GPC6: variants seen among roughly 807,000 people sequenced by gnomAD.
The protein encoded by GPC6 is glypican-6.
A neutral mutation model predicts 55.2 loss-of-function variants in GPC6; 14 were observed. That is an observed-to-expected ratio of 0.25 (90% CI 0.17 to 0.40). GPC6 has a LOEUF of 0.40. Ranked by LOEUF, GPC6 falls within the 10% of genes least tolerant of loss-of-function variation. The pLI is 1.00. For synonymous variants in GPC6, 278 were observed against 259.6 expected, an observed-to-expected ratio of 1.07 and a Z score of -0.68; for missense variants, 641 against 708.5, an observed-to-expected ratio of 0.90 and a Z score of 1.08.
intron 2 of GPC6, among the ~76,000 whole-genome samples, chr13:93,752,615 G>A (rs561385635): frequency 1.3e-5 from 2 of 152,250 alleles, no homozygotes; most frequent in Non-Finnish European, 2.9e-5. Flanking sequence ...CTGTTGAGGA[G>A]TGTAGTAGTC....
chr13:93,464,992 A>G (rs925919652), intron 1 of GPC6, among the ~76,000 whole-genome samples: 5 of 152,362 alleles, frequency 3.3e-5, no homozygotes, highest in African/African-American at 1.2e-4. Context: ...TTGGGAGACC[A>G]GGTGAATTGT....
chr13:93,411,588 T>C (rs1342959393), intron 1 of GPC6, among the ~76,000 whole-genome samples: 4 of 152,208 alleles, frequency 2.6e-5, no homozygotes, highest in Non-Finnish European at 5.9e-5. Context: ...GGCACACTTA[T>C]AGAAGTTCAT....
chr13:94,074,717 C>A (rs1185868761), intron 4 of GPC6, among the ~76,000 whole-genome samples: 2 of 152,154 alleles, frequency 1.3e-5, no homozygotes, highest in Non-Finnish European at 2.9e-5. Flanking sequence ...AGGTAGAGGT[C>A]TCTTGGAATT....
intron 4 of GPC6, among the ~76,000 whole-genome samples, chr13:94,210,487 A>G (rs1280204060): frequency 6.6e-6 from 1 of 152,196 alleles, no homozygotes; most frequent in Non-Finnish European, 1.5e-5. Context: ...ACTGTTCCTC[A>G]GCACTGCCCA....
At chr13:93,600,500 T>C (rs757321980) in intron 2 of GPC6, among the ~76,000 whole-genome samples, 33 of 152,278 alleles carry the variant, frequency 2.2e-4, no homozygotes, top group Non-Finnish European at 4.3e-4. Flanking sequence ...AAATACTCTA[T>C]CTAAAACGTC....
chr13:93,333,362 A>G (rs937432095), intron 1 of GPC6, among the ~76,000 whole-genome samples: 2 of 151,948 alleles, frequency 1.3e-5, no homozygotes, highest in Non-Finnish European at 2.9e-5. Context: ...TTTTGTTGTT[A>G]TCTTTAACTT....
At chr13:93,776,129 T>G (rs921981899) in intron 2 of GPC6, among the ~76,000 whole-genome samples, 5 of 10,934 alleles carry the variant, frequency 4.6e-4, no homozygotes, top group Non-Finnish European at 8.5e-4. Flanking sequence ...AACACCCAAG[T>G]ATCCTGTTCA....
intron 1 of GPC6, among the ~76,000 whole-genome samples, chr13:93,309,803 T>C (rs1446717112): frequency 6.6e-6 from 1 of 152,218 alleles, no homozygotes; most frequent in Non-Finnish European, 1.5e-5. Context: ...TTATTGTTTC[T>C]TGATGGTTCT....
chr13:94,325,444 A>G (rs1434950791), intron 6 of GPC6, among the ~76,000 whole-genome samples: 1 of 152,206 alleles, frequency 6.6e-6, no homozygotes, highest in Non-Finnish European at 1.5e-5. Flanking sequence ...AATCACTGTT[A>G]TATTCTCAAA....
chr13:93,795,728 G>T (rs1177921868), intron 2 of GPC6, among the ~76,000 whole-genome samples: 2 of 152,082 alleles, frequency 1.3e-5, no homozygotes, highest in African/African-American at 4.8e-5. Context: ...ATATTAGTAG[G>T]TATCATTCAT....
At chr13:93,942,009 C>T (rs1029900996) in intron 3 of GPC6, among the ~76,000 whole-genome samples, 1 of 152,108 alleles carries the variant, frequency 6.6e-6, no homozygotes, top group Admixed American at 6.6e-5. Context: ...CTGCGTTGGT[C>T]CAGCCTTATG....
At chr13:93,408,929 T>A (rs1876395177) in intron 1 of GPC6, among the ~76,000 whole-genome samples, 1 of 152,090 alleles carries the variant, frequency 6.6e-6, no homozygotes, top group African/African-American at 2.4e-5. Context: ...AAAAAAATAA[T>A]TGAAAACTAG....
chr13:94,338,162 A>G (rs1378354088), intron 6 of GPC6, among the ~76,000 whole-genome samples: 2 of 152,242 alleles, frequency 1.3e-5, no homozygotes. Flanking sequence ...CTTTTGGGTC[A>G]CAGATGTGGG....
intron 1 of GPC6, among the ~76,000 whole-genome samples, chr13:93,425,335 A>G (rs555767974): frequency 6.6e-6 from 1 of 152,262 alleles, no homozygotes; most frequent in South Asian, 2.1e-4. Flanking sequence ...AGCACCTCAA[A>G]TGAAATCTAT....
intron 1 of GPC6, among the ~76,000 whole-genome samples, chr13:93,347,297 A>C (rs1465873362): frequency 6.6e-6 from 1 of 152,224 alleles, no homozygotes; most frequent in Admixed American, 6.5e-5. Flanking sequence ...GAAAGAAATA[A>C]TGTCTTCATG....
chr13:93,244,767 T>G (rs915566202), intron 1 of GPC6, among the ~76,000 whole-genome samples: 2 of 152,176 alleles, frequency 1.3e-5, no homozygotes, highest in African/African-American at 4.8e-5. Flanking sequence ...TGCAGCCTGC[T>G]GCCTACTGCT....
intron 1 of GPC6, among the ~76,000 whole-genome samples, chr13:93,427,993 T>C (rs1010400996): frequency 1.3e-5 from 2 of 152,172 alleles, no homozygotes; most frequent in Non-Finnish European, 2.9e-5. Context: ...ATTCACACCA[T>C]GATAACTTCA....
At chr13:94,068,732 A>T (rs1408329140) in intron 4 of GPC6, among the ~76,000 whole-genome samples, 2 of 152,158 alleles carry the variant, frequency 1.3e-5, no homozygotes. Context: ...TCCAGCAGAG[A>T]AGTCAAATCT....
chr13:93,225,840 A>T (rs754393139), upstream of GPC6, among the ~76,000 whole-genome samples: 4 of 152,218 alleles, frequency 2.6e-5, no homozygotes, highest in Non-Finnish European at 5.9e-5. Context: ...GTTTGTGAAT[A>T]ATGTGCTGAC....
Sources: gnomAD v4.1 joint callset for allele counts (sites outside exome capture counted in the v4.1 genomes callset) on GRCh38, gnomAD v4.1.1 for gene constraint, MANE v1.5 for transcripts, NCBI Gene and HGNC (gene_info 2026-07-23, HGNC 2026-07-21) for gene names.